ATIC: variants seen among roughly 807,000 people sequenced by gnomAD.
ATIC encodes bifunctional purine biosynthesis protein ATIC.
ATIC carries 64 observed loss-of-function variants against 72.5 expected under a neutral mutation model. That is an observed-to-expected ratio of 0.88 (90% CI 0.72 to 1.09). The LOEUF (loss-of-function observed/expected upper bound fraction) is 1.09. Among genes scored for constraint, ATIC ranks in the 50% least tolerant of loss-of-function variants. The probability of loss-of-function intolerance (pLI) is 0.00; values close to 1 mark genes in which losing one functional copy is unlikely to be tolerated. For missense variants in ATIC, 787 were observed against 732.4 expected (o/e 1.07, Z -0.86); for synonymous variants, 281 against 267.1 (o/e 1.05, Z -0.51).
chr2:215,341,875 A>G (rs1416041157), intron 12 of ATIC, among the ~76,000 whole-genome samples: 3 of 152,098 alleles, frequency 2.0e-5, no homozygotes, highest in Admixed American at 6.5e-5. Flanking sequence ...GGCAATTTAT[A>G]AAGAAAAGAG....
At chr2:215,360,702 C>CCAAT in the ATIC span, 438 of 152,728 alleles carry the variant, frequency 2.9e-3, 2 homozygotes, top group Non-Finnish European at 4.4e-3. Context: ...GTGACAAAAA[C>CCAAT]CAATCAGTTT....
intron 7 of ATIC, among the ~76,000 whole-genome samples, chr2:215,327,653 C>T (rs2052843493): frequency 1.3e-5 from 2 of 152,122 alleles, no homozygotes; most frequent in Non-Finnish European, 1.5e-5. Flanking sequence ...GTGAGAGTCC[C>T]AGGCATGGAG....
At chr2:215,324,473 C>A (rs1420963505) in intron 4 of ATIC, among the ~76,000 whole-genome samples, 1 of 152,096 alleles carries the variant, frequency 6.6e-6, no homozygotes, top group Non-Finnish European at 1.5e-5. Flanking sequence ...ATACTGGTCT[C>A]TAGTTTTCTT....
At chr2:215,315,924 C>A (rs1285403801) in intron 2 of ATIC, among the ~76,000 whole-genome samples, 1 of 150,946 alleles carries the variant, frequency 6.6e-6, no homozygotes, top group Non-Finnish European at 1.5e-5. Context: ...CACTACACTC[C>A]AGCCTGGATG....
At chr2:215,336,205 A>T (rs1425433497) in intron 11 of ATIC, 81 bp downstream of exon 11, 1 of 1,047,274 alleles carries the variant, frequency 9.5e-7, no homozygotes, top group Non-Finnish European at 1.5e-6. Flanking sequence ...TTTCCTTTAT[A>T]CTCATACCCT....
intron 6 of ATIC, 66 bp from the exon 7 acceptor site, chr2:215,326,756 G>GA (rs1559270892): frequency 1.3e-5 from 20 of 1,597,060 alleles, no homozygotes; most frequent in Non-Finnish European, 1.6e-5. Context: ...TGTGGACGTA[G>GA]AAAACCATCT....
downstream of ATIC, among the ~76,000 whole-genome samples, chr2:215,350,082 T>A (rs2053118482): frequency 6.6e-6 from 1 of 152,160 alleles, no homozygotes; most frequent in African/African-American, 2.4e-5. Flanking sequence ...CCATGTTGCC[T>A]CCTAGGGGAG....
intron 6 of ATIC, 91 bp downstream of exon 6, chr2:215,326,229 T>C: frequency 6.8e-7 from 1 of 1,477,406 alleles, no homozygotes; most frequent in Non-Finnish European, 9.4e-7. Flanking sequence ...TAGATTGCAT[T>C]ACCTACCAAA....
At chr2:215,366,065 G>A in the ATIC span, among the ~76,000 whole-genome samples, 12 of 145,326 alleles carry the variant, frequency 8.3e-5, no homozygotes, top group East Asian at 8.1e-4. Flanking sequence ...TGATCCACCC[G>A]CCTCAGCCTC....
At chr2:215,335,763 G>C (rs557372752) in intron 10 of ATIC, among the ~76,000 whole-genome samples, 1 of 152,312 alleles carries the variant, frequency 6.6e-6, no homozygotes, top group African/African-American at 2.4e-5. Context: ...ATTTCCTCCT[G>C]AGGTACATGT....
chr2:215,360,025 G>A, the ATIC span, among the ~76,000 whole-genome samples: 7 of 152,002 alleles, frequency 4.6e-5, no homozygotes, highest in South Asian at 6.2e-4. Context: ...TGCAACCTCC[G>A]CCTTCTGGGT....
chr2:215,359,201 G>T, the ATIC span, among the ~76,000 whole-genome samples: 1 of 152,076 alleles, frequency 6.6e-6, no homozygotes, highest in African/African-American at 2.4e-5. Context: ...TGCATTTTAG[G>T]GTAAATATTT....
At chr2:215,344,332 T>C (rs1369319465) in intron 12 of ATIC, among the ~76,000 whole-genome samples, 1 of 152,162 alleles carries the variant, frequency 6.6e-6, no homozygotes, top group Non-Finnish European at 1.5e-5. Context: ...AACAGTTAAT[T>C]TCCCTCTGTC....
intron 12 of ATIC, among the ~76,000 whole-genome samples, chr2:215,341,618 A>G (rs574330786): frequency 1.1e-4 from 16 of 152,292 alleles, no homozygotes; most frequent in African/African-American, 3.8e-4. Context: ...GTCTGGAACC[A>G]TTTCAGTCCT....
intron 4 of ATIC, among the ~76,000 whole-genome samples, chr2:215,324,039 G>A (rs2106003876): frequency 6.6e-6 from 1 of 152,308 alleles, no homozygotes; most frequent in East Asian, 1.9e-4. Flanking sequence ...TGGGATTGCA[G>A]GCGTGCGCCA....
intron 4 of ATIC, among the ~76,000 whole-genome samples, chr2:215,320,659 A>G (rs2052757012): frequency 6.6e-6 from 1 of 152,084 alleles, no homozygotes; most frequent in Non-Finnish European, 1.5e-5. Flanking sequence ...GGCTCACTGC[A>G]ACCTCTGCCT....
the ATIC span, chr2:215,361,403 A>C: frequency 1.3e-6 from 1 of 748,118 alleles, no homozygotes; most frequent in African/African-American, 1.7e-5. Flanking sequence ...TGCTTGGAGA[A>C]GCTGTGAGTT....
intron 3 of ATIC, 104 bp from the exon 4 acceptor site, chr2:215,319,561 T>G: frequency 2.3e-6 from 2 of 882,160 alleles, no homozygotes; most frequent in Non-Finnish European, 3.7e-6. Context: ...ATTTTTTTTT[T>G]AATCAATGGG....
chr2:215,328,006 T>C (rs2052848292), intron 7 of ATIC, among the ~76,000 whole-genome samples: 1 of 151,884 alleles, frequency 6.6e-6, no homozygotes, highest in African/African-American at 2.4e-5. Flanking sequence ...CCTGAGTAGC[T>C]GGGATTACAG....
Sources: gnomAD v4.1 joint callset for allele counts (sites outside exome capture counted in the v4.1 genomes callset) on GRCh38, gnomAD v4.1.1 for gene constraint, MANE v1.5 for transcripts, NCBI Gene and HGNC (gene_info 2026-07-23, HGNC 2026-07-21) for gene names.